Variants in THSD7B observed in about 807,000 individuals in gnomAD.
THSD7B encodes thrombospondin type-1 domain-containing protein 7B.
In THSD7B, 138 loss-of-function variants were observed where a neutral mutation model predicts 213.6. The ratio of observed to expected loss-of-function variants is 0.65; its 90% CI spans 0.56 to 0.74. The LOEUF is 0.74. Among genes scored for constraint, THSD7B ranks in the 30% least tolerant of loss-of-function variants. THSD7B has a pLI of 0.00. For synonymous variants in THSD7B, 742 were observed against 687.0 expected (o/e 1.08, Z -1.25); for missense variants, 1,931 against 1,991.5 (o/e 0.97, Z 0.58).
chr2:137,601,369 T>C (rs1239272438), intron 17 of THSD7B, among the ~76,000 whole-genome samples: 1 of 152,234 alleles, frequency 6.6e-6, no homozygotes, highest in Non-Finnish European at 1.5e-5. Flanking sequence ...TTAAATCTTT[T>C]ATACCATATG....
intron 14 of THSD7B, among the ~76,000 whole-genome samples, chr2:137,448,302 G>A (rs1199745460): frequency 1.3e-5 from 2 of 152,194 alleles, no homozygotes; most frequent in African/African-American, 2.4e-5. Flanking sequence ...ACACTGGGAC[G>A]AGGCCATCAA....
At chr2:137,402,170 G>C (rs1169498913) in intron 12 of THSD7B, among the ~76,000 whole-genome samples, 1 of 152,086 alleles carries the variant, frequency 6.6e-6, no homozygotes, top group Non-Finnish European at 1.5e-5. Context: ...TTATAGTCTT[G>C]TGATACTCAT....
intron 27 of THSD7B, 60 bp downstream of exon 27, chr2:137,667,921 T>A: frequency 7.4e-7 from 1 of 1,358,064 alleles, no homozygotes; most frequent in East Asian, 2.5e-5. Flanking sequence ...ATGTTATACT[T>A]AAAACAAGTA....
chr2:137,319,857 A>G (rs1284266368), intron 12 of THSD7B, among the ~76,000 whole-genome samples: 2 of 152,122 alleles, frequency 1.3e-5, no homozygotes, highest in African/African-American at 2.4e-5. Flanking sequence ...AGTTATAAGC[A>G]TAGAATATTG....
Position 137,642,531 on chromosome 2 carries a change from A to G in THSD7B, c.3843A>G (p.Gly1281=), listed in dbSNP as rs1558869115. The change falls in exon 21 of 28, where the codon GGA becomes GGG. Residue 1281 remains glycine, a synonymous_variant. Transcript: ENST00000409968. The part of the protein sequence containing the change: ...RTRFIIMPTQ[G]EGRPCPTELT... Reference sequence around the variant, plus strand: ...GATTTATCATTATGCCAACCCAAGGAGAAGGACGGCCATGCCCCACAGAGC... The same window carrying G: ...GATTTATCATTATGCCAACCCAAGGGGAAGGACGGCCATGCCCCACAGAGC... 1.2e-6 allele frequency: 2 copies of G among 1,613,890 alleles called. No individual in the cohort carries two copies. The highest frequency in any genetic ancestry group is 4.5e-5 in the East Asian group (2 of 44,862).
At chr2:137,397,803 C>G (rs528790214) in intron 12 of THSD7B, among the ~76,000 whole-genome samples, 1 of 148,102 alleles carries the variant, frequency 6.8e-6, no homozygotes, top group African/African-American at 2.5e-5. Flanking sequence ...TTCAGGTACA[C>G]CAATCAGACG....
At chr2:137,165,540 T>C (rs530509313) in intron 6 of THSD7B, among the ~76,000 whole-genome samples, 1 of 152,196 alleles carries the variant, frequency 6.6e-6, no homozygotes, top group African/African-American at 2.4e-5. Context: ...AGTAGAATCA[T>C]GGGAGTTCTG....
At chr2:136,827,865 T>C (rs1427369788) in intron 1 of THSD7B, among the ~76,000 whole-genome samples, 1 of 152,068 alleles carries the variant, frequency 6.6e-6, no homozygotes, top group Non-Finnish European at 1.5e-5. Flanking sequence ...TTTGAACCAT[T>C]TCAGACTATA....
At chr2:137,387,996 A>G (rs925622821) in intron 12 of THSD7B, among the ~76,000 whole-genome samples, 7 of 152,350 alleles carry the variant, frequency 4.6e-5, no homozygotes, top group East Asian at 1.9e-4. Flanking sequence ...CACACACAAT[A>G]CATTTGTAAT....
At chr2:137,562,768 T>C (rs762064489) in intron 15 of THSD7B, among the ~76,000 whole-genome samples, 36 of 152,144 alleles carry the variant, frequency 2.4e-4, no homozygotes, top group Non-Finnish European at 1.5e-4. Flanking sequence ...GTACAAATCA[T>C]ATCACTTTTC....
intron 12 of THSD7B, among the ~76,000 whole-genome samples, chr2:137,384,760 A>G (rs962597056): frequency 1.3e-5 from 2 of 151,764 alleles, no homozygotes; most frequent in Non-Finnish European, 2.9e-5. Context: ...CCCTCTGGAG[A>G]GAAAGTCTCC....
chr2:137,342,419 G>T, intron 12 of THSD7B, among the ~76,000 whole-genome samples: 1 of 150,930 alleles, frequency 6.6e-6, no homozygotes, highest in Non-Finnish European at 1.5e-5. Flanking sequence ...ATATTTTGTA[G>T]GATTTTTCAT....
chr2:136,998,261 C>CAAAAAAAAAAAAAAAAAAAAAAAA (rs33931359), intron 2 of THSD7B, among the ~76,000 whole-genome samples: 3 of 98,394 alleles, frequency 3.0e-5, no homozygotes, highest in Non-Finnish European at 6.4e-5. Flanking sequence ...ACTAAAAGGC[C>CAAAAAAAAAAAAAAAAAAAAAAAA]AAAAAAAAAA....
chr2:137,361,196 AG>A, intron 12 of THSD7B, among the ~76,000 whole-genome samples: 1 of 152,152 alleles, frequency 6.6e-6, no homozygotes, highest in East Asian at 1.9e-4. Context: ...ATCAAAAAAA[AG>A]GACATCCACA....
chr2:136,905,577 G>T (rs1206537844), intron 2 of THSD7B, among the ~76,000 whole-genome samples: 1 of 152,168 alleles, frequency 6.6e-6, no homozygotes, highest in Non-Finnish European at 1.5e-5. Context: ...TTAACAGTCA[G>T]GTTTGTAGTC....
chr2:137,099,094 A>C (rs112731656), intron 4 of THSD7B, among the ~76,000 whole-genome samples: 122 of 152,166 alleles, frequency 8.0e-4, no homozygotes, highest in African/African-American at 2.8e-3. Context: ...GTCATTAAAC[A>C]CTCACAGTGT....
chr2:137,279,057 C>T (rs557257155), intron 12 of THSD7B, among the ~76,000 whole-genome samples: 20 of 152,042 alleles, frequency 1.3e-4, no homozygotes, highest in Middle Eastern at 3.4e-3. Context: ...AAACACCTAT[C>T]ATTAAGGAAT....
intron 3 of THSD7B, among the ~76,000 whole-genome samples, chr2:137,089,042 C>T (rs1423993698): frequency 6.6e-6 from 1 of 151,998 alleles, no homozygotes; most frequent in Non-Finnish European, 1.5e-5. Flanking sequence ...ACTAGTGTAA[C>T]CACTATGAAA....
At chr2:136,776,047 A>G (rs754147635) in intron 1 of THSD7B, among the ~76,000 whole-genome samples, 26 of 152,142 alleles carry the variant, frequency 1.7e-4, no homozygotes, top group Admixed American at 3.9e-4. Context: ...GTCAAGGTGC[A>G]CAATGATATC....
Sources: gnomAD v4.1 joint callset for allele counts (sites outside exome capture counted in the v4.1 genomes callset) on GRCh38, gnomAD v4.1.1 for gene constraint, MANE v1.5 for transcripts, NCBI Gene and HGNC (gene_info 2026-07-23, HGNC 2026-07-21) for gene names.